The following SPOP variants were observed in gnomAD, a reference collection of about 807,000 sequenced individuals.
SPOP encodes the protein speckle type BTB/POZ protein, also known as speckle-type POZ protein.
Under a neutral mutation model 45.6 loss-of-function variants are expected in SPOP, and 11 were observed. That is an observed-to-expected ratio of 0.24 (90% CI 0.15 to 0.40). The LOEUF is 0.40. Among genes scored for constraint, SPOP ranks in the 10% least tolerant of loss-of-function variants. The pLI is 1.00. For synonymous variants in SPOP, 166 were observed against 166.3 expected, an observed-to-expected ratio of 1.00 and a Z score of 0.01; for missense variants, 152 against 465.6, an observed-to-expected ratio of 0.33 and a Z score of 6.20.
At chr17:49,615,527 G>A (rs2072067656) in intron 5 of SPOP, among the ~76,000 whole-genome samples, 1 of 151,988 alleles carries the variant, frequency 6.6e-6, no homozygotes, top group South Asian at 2.1e-4. Context: ...TTAACAGACA[G>A]GGACTAATTA....
In SPOP at chr17:49,666,975, T is replaced by C. The variant is rs558926403; in HGVS notation, c.-67+10958A>G. Reference sequence around the variant, plus strand: ...GGGTGGATCACCTGAGGTCAGGAGTTCGAGACTAGCCTGGCCAACATGGTG... The same window carrying C: ...GGGTGGATCACCTGAGGTCAGGAGTCCGAGACTAGCCTGGCCAACATGGTG... On this transcript the variant is annotated intron_variant, in intron 1 of 9. Coordinates refer to ENST00000504102, the MANE Select transcript of SPOP (RefSeq NM_001007228.2). 2.4e-4 allele frequency among the ~76,000 whole-genome samples: 36 copies of C among 151,798 alleles called. No homozygotes were observed. In the East Asian group the frequency reaches 7.0e-3, roughly 30 times the overall value.
At chr17:49,676,291 G>C (rs1176697503) in intron 1 of SPOP, among the ~76,000 whole-genome samples, 1 of 152,112 alleles carries the variant, frequency 6.6e-6, no homozygotes, top group African/African-American at 2.4e-5. Flanking sequence ...AGGAAAAAAA[G>C]GTGAGTTTCC....
chr17:49,628,530 CA>C (rs201088065), intron 1 of SPOP, among the ~76,000 whole-genome samples: 4,886 of 132,844 alleles, frequency 0.037, 191 homozygotes, highest in African/African-American at 0.11. Flanking sequence ...GACAGAAGGA[CA>C]AAAAAAAAAA....
intron 1 of SPOP, among the ~76,000 whole-genome samples, chr17:49,655,812 A>T (rs912633400): frequency 2.0e-5 from 3 of 152,126 alleles, no homozygotes; most frequent in Non-Finnish European, 4.4e-5. Context: ...TTTTCGAATG[A>T]AAAAAATTTT....
intron 6 of SPOP, among the ~76,000 whole-genome samples, chr17:49,608,622 T>C (rs1597908228): frequency 6.6e-6 from 1 of 152,134 alleles, no homozygotes. Flanking sequence ...ATAATGAAGG[T>C]TGGAAGGTTG....
chr17:49,618,704 A>G (rs1196592460), intron 5 of SPOP: 1 of 487,774 alleles, frequency 2.1e-6, no homozygotes, highest in African/African-American at 2.0e-5. Context: ...AAAAAATCCC[A>G]CAGTGAAAAC....
At chr17:49,677,592 A>T (rs1369887289) in intron 1 of SPOP, among the ~76,000 whole-genome samples, 1 of 152,010 alleles carries the variant, frequency 6.6e-6, no homozygotes. Context: ...GCGAAGAAGC[A>T]GCCCGAGCGC....
intron 1 of SPOP, chr17:49,667,906 TAAAAG>T (rs940731497): frequency 2.0e-5 from 3 of 152,160 alleles, no homozygotes; most frequent in Non-Finnish European, 2.9e-5. Flanking sequence ...TATTCAGCCT[TAAAAG>T]AAAGGAAATC....
intron 1 of SPOP, among the ~76,000 whole-genome samples, chr17:49,662,419 C>T (rs962513935): frequency 6.6e-5 from 10 of 152,000 alleles, no homozygotes; most frequent in African/African-American, 1.7e-4. Flanking sequence ...CGGTGGCTCA[C>T]GCCTGTAATC....
chr17:49,664,220 A>G (rs1388733198), intron 1 of SPOP, among the ~76,000 whole-genome samples: 1 of 152,216 alleles, frequency 6.6e-6, no homozygotes, highest in Non-Finnish European at 1.5e-5. Context: ...ATTGTCTGAA[A>G]AGGCTATAAA....
At chr17:49,622,448 C>T (rs1268828757) in intron 2 of SPOP, 5 of 521,952 alleles carry the variant, frequency 9.6e-6, no homozygotes, top group Admixed American at 6.4e-5. Flanking sequence ...AACTTGTTTC[C>T]CCAACAGAGG....
At chr17:49,662,622 G>A (rs1358271148) in intron 1 of SPOP, among the ~76,000 whole-genome samples, 1 of 151,974 alleles carries the variant, frequency 6.6e-6, no homozygotes, top group Non-Finnish European at 1.5e-5. Context: ...GGGAGGCGGA[G>A]GTTGCAGTGA....
intron 1 of SPOP, 91 bp downstream of exon 1, chr17:49,677,842 G>A (rs978808013): frequency 2.4e-5 from 9 of 367,992 alleles, no homozygotes; most frequent in Admixed American, 1.9e-4. Flanking sequence ...GGGGTGGGGG[G>A]ACAGTGGGGG....
intron 1 of SPOP, among the ~76,000 whole-genome samples, chr17:49,637,431 A>G (rs1454309747): frequency 6.6e-6 from 1 of 151,922 alleles, no homozygotes; most frequent in Non-Finnish European, 1.5e-5. Context: ...GCCCACTGCA[A>G]CCTCCACCTC....
chr17:49,644,856 T>C (rs1161477147), intron 1 of SPOP, among the ~76,000 whole-genome samples: 2 of 152,170 alleles, frequency 1.3e-5, no homozygotes, highest in African/African-American at 2.4e-5. Context: ...TATATTGCAC[T>C]GGAATGATAC....
rs139523560 is a variant in SPOP, at chr17:49,666,763, G to A, written c.-67+11170C>T. On this transcript the variant is annotated intron_variant, in intron 1 of 9. Transcript: ENST00000504102. ...GAATCACTTGAACCTGGCAGGCAGA[G>A]GTGGCAGTGAGCCAAGATCGCACCA... Among the ~76,000 whole-genome samples the A allele has an allele frequency of 5.9e-5, 9 of 152,266 alleles. No homozygotes were observed. The East Asian group carries it at 1.5e-3, about 26-fold the overall frequency.
At chr17:49,610,873 G>C (rs572261959) in intron 6 of SPOP, among the ~76,000 whole-genome samples, 1 of 152,174 alleles carries the variant, frequency 6.6e-6, no homozygotes, top group Non-Finnish European at 1.5e-5. Context: ...ATTGAAAAGA[G>C]GGCTAACCCC....
intron 1 of SPOP, among the ~76,000 whole-genome samples, chr17:49,670,625 A>G (rs1390349561): frequency 6.6e-6 from 1 of 152,212 alleles, no homozygotes; most frequent in Non-Finnish European, 1.5e-5. Flanking sequence ...CCCACTTTAG[A>G]ATGCAGTTCT....
At chr17:49,662,142 C>G (rs1383454326) in intron 1 of SPOP, among the ~76,000 whole-genome samples, 5 of 151,468 alleles carry the variant, frequency 3.3e-5, no homozygotes, top group Non-Finnish European at 7.4e-5. Context: ...ACTTTCTCTT[C>G]TATGCCTTTT....
Sources: allele counts gnomAD v4.1 joint callset (sites outside exome capture counted in the v4.1 genomes callset), GRCh38; gene constraint gnomAD v4.1.1; transcripts MANE v1.5; gene names NCBI Gene and HGNC (gene_info 2026-07-23, HGNC 2026-07-21).